FAM25A: variants seen among roughly 807,000 people sequenced by gnomAD.
FAM25A encodes the protein family with sequence similarity 25 member A.
Under a neutral mutation model 6.6 loss-of-function variants are expected in FAM25A, and 5 were observed. The ratio of observed to expected loss-of-function variants is 0.75; its 90% CI spans 0.39 to 1.59. FAM25A has a LOEUF of 1.59. Among genes scored for constraint, FAM25A ranks in the 40% most tolerant of loss-of-function variants. The pLI, the probability that FAM25A is intolerant of heterozygous loss-of-function variation, is 0.02. For synonymous variants in FAM25A, 36 were observed against 41.3 expected, an observed-to-expected ratio of 0.87 and a Z score of 0.49; for missense variants, 93 against 109.7, an observed-to-expected ratio of 0.85 and a Z score of 0.68.
intron 1 of FAM25A, among the ~76,000 whole-genome samples, 183 bp downstream of exon 1, chr10:87,020,580 TG>T (rs1379929637): frequency 6.6e-6 from 1 of 152,042 alleles, no homozygotes; most frequent in Non-Finnish European, 1.5e-5. Context: ...GGAGGTCTCC[TG>T]GGGGCAGGGC....
At position 87,024,557 on chromosome 10, in the gene FAM25A, A is replaced by G; in HGVS notation, c.153A>G (p.Ile51Met). 2 of 1,535,792 alleles carry G rather than the reference A, an allele frequency of 1.3e-6. No homozygotes were observed. Among genetic ancestry groups the G allele is most frequent in the Non-Finnish European group, 1.7e-6 (2 of 1,146,892 alleles). ...ETGEKAIAEA[I>M]KKAQESGDKK... ...TTCCAACAGCCATTGCTGAAGCCAT[A>G]AAGAAAGCCCAAGAGTCAGGGGACA... Residue 51 changes from isoleucine (I) to methionine (M), a missense_variant, in exon 3 of 3, where the codon ATA (isoleucine) becomes ATG (methionine). By Grantham distance (10) the Ile-to-Met change is conservative. Coordinates refer to ENST00000343959, the MANE Select transcript of FAM25A (RefSeq NM_001146157.3).
intron 2 of FAM25A, 93 bp from the exon 3 acceptor site, chr10:87,024,448 T>C (rs577580236): frequency 2.6e-5 from 40 of 1,530,242 alleles, no homozygotes; most frequent in Middle Eastern, 4.6e-4. Flanking sequence ...CAGAGACTAA[T>C]CCATTAAGAT....
intron 1 of FAM25A, among the ~76,000 whole-genome samples, chr10:87,021,577 C>T (rs1363835736): frequency 6.6e-6 from 1 of 152,220 alleles, no homozygotes; most frequent in South Asian, 2.1e-4. Context: ...GATGGCGCCC[C>T]GCTCCCATTT....
intron 1 of FAM25A, among the ~76,000 whole-genome samples, chr10:87,021,413 C>A (rs980283192): frequency 6.6e-6 from 1 of 152,188 alleles, no homozygotes; most frequent in African/African-American, 2.4e-5. Context: ...TTGCTTCTAG[C>A]ACTCCCATTT....
At chr10:87,023,220 C>CAA (rs1197032469) in intron 2 of FAM25A, among the ~76,000 whole-genome samples, 4 of 104,108 alleles carry the variant, frequency 3.8e-5, no homozygotes, top group African/African-American at 7.4e-5. Flanking sequence ...TACTCCGTCT[C>CAA]AAAAAAAAAA....
Position 87,021,645 on chromosome 10 carries a change from C to T in FAM25A, c.74-669C>T, listed in dbSNP as rs911062536. 1.4e-4 allele frequency among the ~76,000 whole-genome samples: 21 copies of T among 152,352 alleles called. No individual in the cohort carries two copies. The East Asian group carries it at 2.5e-3, about 18-fold the overall frequency. ...GACTCCTCTGGACTTGCCGCCCCCG[C>T]GACCTGGTGTTGGGTCTCATCACCC... On this transcript the variant is annotated intron_variant, in intron 1 of 2. Coordinates refer to ENST00000343959, the MANE Select transcript of FAM25A (RefSeq NM_001146157.3).
At chr10:87,021,365 G>A (rs1025372778) in intron 1 of FAM25A, among the ~76,000 whole-genome samples, 29 of 152,226 alleles carry the variant, frequency 1.9e-4, no homozygotes, top group African/African-American at 6.3e-4. Context: ...AGTGTTGGGA[G>A]AGAAGCTGAG....
intron 1 of FAM25A, among the ~76,000 whole-genome samples, chr10:87,021,258 C>T (rs1241133648): frequency 6.6e-6 from 1 of 152,162 alleles, no homozygotes; most frequent in Non-Finnish European, 1.5e-5. Context: ...GCAGCAGACG[C>T]GTATTTTGTT....
At chr10:87,021,542 G>C (rs1337458545) in intron 1 of FAM25A, among the ~76,000 whole-genome samples, 2 of 152,162 alleles carry the variant, frequency 1.3e-5, no homozygotes, top group Admixed American at 1.3e-4. Flanking sequence ...CCAGAACTCC[G>C]GGCCTTCGCA....
intron 2 of FAM25A, among the ~76,000 whole-genome samples, chr10:87,022,791 G>A (rs1845342058): frequency 6.6e-6 from 1 of 151,824 alleles, no homozygotes; most frequent in Admixed American, 6.6e-5. Flanking sequence ...GCCGGGCATG[G>A]TGGTGGGTGC....
chr10:87,023,709 A>G lies in FAM25A; in HGVS notation c.137-832A>G, dbSNP rs375336277. Among the ~76,000 whole-genome samples, 31 of 152,284 alleles carry G rather than the reference A, an allele frequency of 2.0e-4. No homozygotes were observed. In the South Asian group the frequency reaches 2.5e-3, roughly 12 times the overall value. ...GCACCCCAGCCTTGGTGACAGAGCA[A>G]GACTCTGTCTCAAAAACAAAAACAA... On this transcript the variant is annotated intron_variant, in intron 2 of 2. Transcript: ENST00000343959.
chr10:87,022,676 C>T (rs1845340695), intron 2 of FAM25A, among the ~76,000 whole-genome samples: 4 of 152,136 alleles, frequency 2.6e-5, no homozygotes, highest in Admixed American at 2.6e-4. Flanking sequence ...CCTGTAATCC[C>T]AGCCCTTTGG....
rs112170865 is a variant in FAM25A, at chr10:87,020,546, C to T, written c.73+149C>T. On this transcript the variant is annotated intron_variant, in intron 1 of 2. Transcript: ENST00000343959. ...GGTCCCCTGCTCTACCAAGTCAGCACGGAGTTGAGGGGTGCAGACCTGGGG... is the reference window on the plus strand; with the variant it reads ...GGTCCCCTGCTCTACCAAGTCAGCATGGAGTTGAGGGGTGCAGACCTGGGG... 7,577 of 1,103,816 alleles carry T rather than the reference C, an allele frequency of 6.9e-3. 37 individuals are homozygous for T. Among genetic ancestry groups the T allele is most frequent in the Non-Finnish European group, 8.3e-3 (6,510 of 780,966 alleles). 68.4% of individuals were successfully genotyped at this position (1,103,816 alleles called of 1,614,324 possible). A position where few individuals can be genotyped will look rare whatever the true frequency, so the allele number is the denominator to read the frequency against.
intron 1 of FAM25A, 113 bp from the exon 2 acceptor site, chr10:87,022,201 A>G (rs1845333484): frequency 8.2e-6 from 11 of 1,345,102 alleles, no homozygotes; most frequent in Non-Finnish European, 8.2e-6. Context: ...GCCAGCACTG[A>G]GCCCTCACCC....
chr10:87,021,108 G>A (rs369897467), intron 1 of FAM25A, among the ~76,000 whole-genome samples: 2 of 152,310 alleles, frequency 1.3e-5, no homozygotes, highest in East Asian at 1.9e-4. Flanking sequence ...GATTGCAGGC[G>A]TGAACCACCG....
chr10:87,022,762 T>A (rs1340946469), intron 2 of FAM25A, among the ~76,000 whole-genome samples: 1 of 149,938 alleles, frequency 6.7e-6, no homozygotes, highest in Non-Finnish European at 1.5e-5. Context: ...CCATCTCTAC[T>A]AAAAATACAT....
At position 87,024,650 on chromosome 10, in the gene FAM25A, G is replaced by C; in HGVS notation, c.246G>C (p.Glu82Asp). ...CAAATGCCATCACCCATGCAGCAGA[G>C]AGTCTGGACAAACTTGGACAGTGAG... Reference protein sequence around the residue: ...TVTNAITHAAESLDKLGQ With the variant: ...TVTNAITHAADSLDKLGQ Residue 82 changes from glutamate (E) to aspartate (D), a missense_variant, in exon 3 of 3, where the codon GAG (glutamate) becomes GAC (aspartate). Glu to Asp is a conservative substitution (Grantham distance 45). Transcript: ENST00000343959. 2 of 1,535,806 alleles carry C rather than the reference G, an allele frequency of 1.3e-6. No individual in the cohort carries two copies. The highest frequency in any genetic ancestry group is 1.4e-5 in the African/African-American group (1 of 73,106).
At chr10:87,022,420 G>A in intron 2 of FAM25A, 44 bp downstream of exon 2, 1 of 1,541,358 alleles carries the variant, frequency 6.5e-7, no homozygotes, top group Non-Finnish European at 8.7e-7. Context: ...GAGGGAGCAA[G>A]GGAAGCTAGG....
At chr10:87,024,468 C>T in intron 2 of FAM25A, 73 bp from the exon 3 acceptor site, 1 of 1,535,240 alleles carries the variant, frequency 6.5e-7, no homozygotes, top group Non-Finnish European at 8.7e-7. Context: ...TGGCCACATC[C>T]CACAGGCCAC....
Sources: allele counts gnomAD v4.1 joint callset (sites outside exome capture counted in the v4.1 genomes callset), GRCh38; gene constraint gnomAD v4.1.1; transcripts MANE v1.5; gene names NCBI Gene and HGNC (gene_info 2026-07-23, HGNC 2026-07-21).